Variants in CPQ observed in about 807,000 individuals in gnomAD.
CPQ encodes Ser-Met dipeptidase.
In CPQ, 37 loss-of-function variants were observed where a neutral mutation model predicts 45.7. That is an observed-to-expected ratio of 0.81 (90% CI 0.62 to 1.07). The LOEUF (loss-of-function observed/expected upper bound fraction) is 1.07, where lower values mean the gene tolerates loss of function less well. Ranked by LOEUF, CPQ falls within the 50% of genes least tolerant of loss-of-function variation. The pLI, the probability that CPQ is intolerant of heterozygous loss-of-function variation, is 0.00. For synonymous variants in CPQ, 186 were observed against 205.8 expected (o/e 0.90, Z 0.82); for missense variants, 537 against 572.9 (o/e 0.94, Z 0.64).
chr8:97,058,407 T>C (rs527563545), intron 6 of CPQ, among the ~76,000 whole-genome samples: 2 of 152,256 alleles, frequency 1.3e-5, no homozygotes, highest in South Asian at 4.1e-4. Context: ...CAGAAAGCAC[T>C]ATCTTGGCTG....
At chr8:96,692,506 G>C (rs1809318115) in intron 1 of CPQ, among the ~76,000 whole-genome samples, 1 of 151,956 alleles carries the variant, frequency 6.6e-6, no homozygotes, top group African/African-American at 2.4e-5. Context: ...GTTTGTTTGA[G>C]AGAAAGTAAG....
intron 7 of CPQ, among the ~76,000 whole-genome samples, chr8:97,136,261 A>G (rs1812055781): frequency 6.6e-6 from 1 of 152,218 alleles, no homozygotes; most frequent in African/African-American, 2.4e-5. Flanking sequence ...GCAGTCATAT[A>G]GACTAGAATC....
In CPQ at chr8:96,877,925, C is replaced by T. The variant is rs146291464; in HGVS notation, c.642-1873C>T. Among the ~76,000 whole-genome samples, 564 of 152,206 alleles carry T rather than the reference C, an allele frequency of 3.7e-3. 4 individuals carry two copies. Among genetic ancestry groups the T allele is most frequent in the African/African-American group, 0.013 (532 of 41,552 alleles). ...GGTTTGGAAGATAAGTCTTTGTACT[C>T]CTTTTGATGAATAATAAAATTTGCA... On this transcript the variant is annotated intron_variant, in intron 3 of 7. Coordinates refer to ENST00000220763, the MANE Select transcript of CPQ (RefSeq NM_016134.4).
At chr8:96,722,434 A>G (rs1809777402) in intron 1 of CPQ, among the ~76,000 whole-genome samples, 1 of 151,786 alleles carries the variant, frequency 6.6e-6, no homozygotes, top group Non-Finnish European at 1.5e-5. Context: ...TTTTTTTCAC[A>G]TATTATCTAT....
intron 1 of CPQ, among the ~76,000 whole-genome samples, chr8:96,649,031 G>T (rs1815549041): frequency 6.6e-6 from 1 of 152,246 alleles, no homozygotes; most frequent in Admixed American, 6.5e-5. Flanking sequence ...ACCCAGGCTG[G>T]AGTGCCGTGG....
intron 5 of CPQ, among the ~76,000 whole-genome samples, chr8:97,023,626 A>G (rs1233210082): frequency 6.6e-6 from 1 of 152,234 alleles, no homozygotes; most frequent in Non-Finnish European, 1.5e-5. Flanking sequence ...AATCTTAATC[A>G]TTATAATGAG....
At chr8:97,089,229 G>A (rs1392520078) in intron 7 of CPQ, among the ~76,000 whole-genome samples, 6 of 118,400 alleles carry the variant, frequency 5.1e-5, no homozygotes, top group Non-Finnish European at 8.3e-5. Flanking sequence ...GGCAACAAGA[G>A]CAAAGCTCAG....
intron 4 of CPQ, among the ~76,000 whole-genome samples, chr8:96,888,227 A>T (rs1812328602): frequency 6.6e-6 from 1 of 152,128 alleles, no homozygotes; most frequent in Admixed American, 6.6e-5. Flanking sequence ...GACAAAAGCC[A>T]CCCCAAGTTG....
intron 2 of CPQ, among the ~76,000 whole-genome samples, chr8:96,823,368 T>A (rs1041885232): frequency 3.9e-5 from 6 of 152,012 alleles, no homozygotes; most frequent in Non-Finnish European, 7.4e-5. Flanking sequence ...ATAACTTTCT[T>A]ATGGGAAATT....
At chr8:96,851,781 A>G (rs1368499739) in intron 3 of CPQ, among the ~76,000 whole-genome samples, 2 of 152,228 alleles carry the variant, frequency 1.3e-5, no homozygotes, top group East Asian at 3.8e-4. Flanking sequence ...GATTAGATGG[A>G]TTTGAAGGGG....
intron 5 of CPQ, among the ~76,000 whole-genome samples, chr8:97,024,849 G>A (rs1305251341): frequency 6.6e-6 from 1 of 152,184 alleles, no homozygotes; most frequent in Non-Finnish European, 1.5e-5. Context: ...GTTGCTGAAA[G>A]AGAGTGGGAC....
intron 1 of CPQ, among the ~76,000 whole-genome samples, chr8:96,737,244 C>T (rs1478700486): frequency 3.5e-5 from 5 of 142,084 alleles, no homozygotes; most frequent in African/African-American, 1.4e-4. Flanking sequence ...CACACACACA[C>T]ACACACACAC....
chr8:96,882,163 A>T (rs1812232935), intron 4 of CPQ, among the ~76,000 whole-genome samples: 1 of 151,990 alleles, frequency 6.6e-6, no homozygotes, highest in African/African-American at 2.4e-5. Context: ...TAAGCTCAGG[A>T]CTCTTTTCCC....
At chr8:96,950,230 T>C (rs1813240991) in intron 4 of CPQ, among the ~76,000 whole-genome samples, 2 of 152,168 alleles carry the variant, frequency 1.3e-5, no homozygotes. Context: ...TGGGTTTATG[T>C]GACTAAAATT....
intron 5 of CPQ, among the ~76,000 whole-genome samples, chr8:97,020,012 A>G (rs1011410192): frequency 1.3e-5 from 2 of 152,198 alleles, no homozygotes; most frequent in African/African-American, 4.8e-5. Flanking sequence ...AGAAAATTGA[A>G]ATTATATCAA....
At chr8:96,846,322 A>C (rs1811689140) in intron 3 of CPQ, among the ~76,000 whole-genome samples, 1 of 152,094 alleles carries the variant, frequency 6.6e-6, no homozygotes, top group African/African-American at 2.4e-5. Flanking sequence ...TTGCCCATCT[A>C]TAATTTTTTT....
intron 4 of CPQ, among the ~76,000 whole-genome samples, chr8:96,924,027 A>G (rs1468958226): frequency 6.6e-6 from 1 of 152,230 alleles, no homozygotes; most frequent in Non-Finnish European, 1.5e-5. Context: ...CATTTTCAGG[A>G]TGCCCTCCCA....
intron 5 of CPQ, among the ~76,000 whole-genome samples, chr8:97,020,914 A>G (rs1432660783): frequency 6.6e-6 from 1 of 152,158 alleles, no homozygotes; most frequent in Non-Finnish European, 1.5e-5. Flanking sequence ...GAAAGGACAT[A>G]ACCAAAAAAG....
At position 96,835,113 on chromosome 8, in the gene CPQ, G is replaced by T; in HGVS notation, c.574G>T (p.Val192Leu). ...RTVQYRTQGA[V>L]EAAKVGALAS... ...GGTGCAATACCGAACGCAGGGGGCG[G>T]TGGAAGCTGCCAAGGTGGGGGCTTT... is the stretch of plus-strand genomic sequence containing the variant. The change falls in exon 3 of 8, where the codon GTG becomes TTG. Residue 192 changes from valine (V) to leucine (L), a missense_variant. By Grantham distance (32) the Val-to-Leu change is conservative. Transcript: ENST00000220763. The T allele has an allele frequency of 6.3e-7, 1 of 1,595,032 alleles. No homozygotes were observed. Among genetic ancestry groups the T allele is most frequent in the South Asian group, 1.1e-5 (1 of 88,878 alleles).
Sources: gnomAD v4.1 joint callset for allele counts (sites outside exome capture counted in the v4.1 genomes callset) on GRCh38, gnomAD v4.1.1 for gene constraint, MANE v1.5 for transcripts, NCBI Gene and HGNC (gene_info 2026-07-23, HGNC 2026-07-21) for gene names.